MGAM: variants seen among roughly 807,000 people sequenced by gnomAD.
The protein encoded by MGAM is maltase-glucoamylase, also known as alpha-1,4-glucosidase.
In MGAM, 253 loss-of-function variants were observed where a neutral mutation model predicts 358.8. The observed-to-expected ratio is 0.71, with a 90% CI of 0.64 to 0.78. MGAM has a LOEUF of 0.78. Ranked by LOEUF, MGAM falls within the 30% of genes least tolerant of loss-of-function variation. The pLI is 0.00. For missense variants in MGAM, 3,080 were observed against 3,432.6 expected, an observed-to-expected ratio of 0.90 and a Z score of 2.57; for synonymous variants, 1,105 against 1,227.1, an observed-to-expected ratio of 0.90 and a Z score of 2.08.
chr7:142,035,924 T>C (rs1159735243), intron 16 of MGAM, among the ~76,000 whole-genome samples: 1 of 152,172 alleles, frequency 6.6e-6, no homozygotes, highest in Non-Finnish European at 1.5e-5. Context: ...ATTTACGAAA[T>C]ACCTGTGTAG....
intron 10 of MGAM, among the ~76,000 whole-genome samples, chr7:142,028,694 G>A (rs370623347): frequency 5.3e-5 from 8 of 152,052 alleles, no homozygotes; most frequent in African/African-American, 1.4e-4. Context: ...GTAATTTGAC[G>A]GAAAGATAGT....
chr7:142,040,698 G>A (rs759041221), intron 20 of MGAM, 24 bp from the exon 21 acceptor site: 1 of 1,611,102 alleles, frequency 6.2e-7, no homozygotes, highest in Non-Finnish European at 8.5e-7. Flanking sequence ...ATGCCAATGT[G>A]TTTGATTTAT....
chr7:142,094,216 G>C (rs1815665903), intron 60 of MGAM, 148 bp from the exon 61 acceptor site: 1 of 994,832 alleles, frequency 1.0e-6, no homozygotes, highest in Non-Finnish European at 1.5e-6. Context: ...TCTGGGATCA[G>C]TGGAGCCCCC....
chr7:142,091,021 T>C (rs960450041), intron 57 of MGAM, among the ~76,000 whole-genome samples: 1 of 145,838 alleles, frequency 6.9e-6, no homozygotes, highest in Non-Finnish European at 1.6e-5. Context: ...CTGAGGTGTG[T>C]GGATCACTTT....
intron 21 of MGAM, among the ~76,000 whole-genome samples, chr7:142,044,240 T>G (rs1809623281): frequency 7.2e-6 from 1 of 138,354 alleles, no homozygotes; most frequent in Non-Finnish European, 1.6e-5. Flanking sequence ...AATATATACA[T>G]TATATACACA....
intron 50 of MGAM, 127 bp downstream of exon 50, chr7:142,081,072 T>A: frequency 4.3e-6 from 4 of 926,402 alleles, no homozygotes; most frequent in Non-Finnish European, 6.3e-6. Flanking sequence ...GGATGAGTTG[T>A]TTCCTTCAGA....
At chr7:142,008,793 T>C in intron 3 of MGAM, 88 bp downstream of exon 3, 2 of 1,380,808 alleles carry the variant, frequency 1.4e-6, no homozygotes, top group Non-Finnish European at 2.0e-6. Flanking sequence ...GTTTTCTTTA[T>C]TAGTGACTCT....
intron 3 of MGAM, among the ~76,000 whole-genome samples, chr7:142,014,062 A>T (rs144584097): frequency 1.2e-3 from 182 of 152,342 alleles, no homozygotes; most frequent in African/African-American, 4.3e-3. Flanking sequence ...GTTCTGTATT[A>T]GCATCACGTA....
intron 53 of MGAM, among the ~76,000 whole-genome samples, chr7:142,083,938 TGAA>T (rs1467184155): frequency 1.4e-5 from 2 of 143,084 alleles, no homozygotes; most frequent in African/African-American, 4.9e-5. Flanking sequence ...TGGGGTGGTG[TGAA>T]GAATATGGTG....
chr7:142,099,782 A>G, intron 67 of MGAM, 45 bp downstream of exon 67: 3 of 1,602,340 alleles, frequency 1.9e-6, no homozygotes, highest in Non-Finnish European at 1.7e-6. Flanking sequence ...CAGTTAGCTC[A>G]ACAATTTGTA....
At chr7:142,034,232 T>C (rs1554464922) in intron 14 of MGAM, 30 bp from the exon 15 acceptor site, 1 of 1,476,828 alleles carries the variant, frequency 6.8e-7, no homozygotes, top group Non-Finnish European at 9.3e-7. Flanking sequence ...CAACTTAGGC[T>C]CTCACTGATT....
chr7:142,065,985 A>T (rs1437186931), intron 40 of MGAM, among the ~76,000 whole-genome samples, 154 bp downstream of exon 40: 1 of 136,178 alleles, frequency 7.3e-6, no homozygotes, highest in Non-Finnish European at 1.7e-5. Flanking sequence ...TTTTTGAAAC[A>T]GGGATTTACT....
intron 21 of MGAM, among the ~76,000 whole-genome samples, chr7:142,046,363 T>G (rs76283651): frequency 0.024 from 3,634 of 151,450 alleles, 146 homozygotes; most frequent in African/African-American, 0.083. Context: ...GGTGATCTTA[T>G]TTTTTTTAAG....
At position 142,092,021 on chromosome 7, in the gene MGAM, A is replaced by C; in HGVS notation, c.6919A>C (p.Ser2307Arg). ...LYNNPQNPERSLKFDGMWIDM... is the reference protein window; with the variant it reads ...LYNNPQNPERRLKFDGMWIDM... ...CAACAATCCACAGAATCCAGAGAGG[A>C]GCTTGAAGTTTGATGGCATGTGGAT... Residue 2307 changes from serine to arginine, a missense_variant, in exon 58 of 71, where the codon AGC becomes CGC. Ser to Arg is a moderately radical substitution (Grantham distance 110, BLOSUM62 -1). Coordinates refer to ENST00000475668, the MANE Select transcript of MGAM (RefSeq NM_001365693.1). 2 of 1,537,108 alleles carry C rather than the reference A, an allele frequency of 1.3e-6. No homozygotes were observed. The highest frequency in any genetic ancestry group is 1.2e-5 in the South Asian group (1 of 85,804).
intron 67 of MGAM, among the ~76,000 whole-genome samples, chr7:142,100,346 G>A (rs1166984333): frequency 6.6e-6 from 1 of 152,068 alleles, no homozygotes; most frequent in Non-Finnish European, 1.5e-5. Flanking sequence ...ACATGAATGC[G>A]GACTAAAATT....
chr7:142,020,608 T>A (rs1461127459), intron 4 of MGAM, among the ~76,000 whole-genome samples: 61 of 147,134 alleles, frequency 4.1e-4, no homozygotes, highest in African/African-American at 1.4e-3. Context: ...TATATATTTT[T>A]TTTTTTTTTT....
At position 142,021,090 on chromosome 7, in the gene MGAM, ATTTG is replaced by A. The variant is rs1806411445; in HGVS notation, c.558+11_558+14del. 4 of 1,575,098 alleles carry A rather than the reference ATTTG, an allele frequency of 2.5e-6. No individual in the cohort carries two copies. Among genetic ancestry groups the A allele is most frequent in the Non-Finnish European group, 3.4e-6 (4 of 1,160,794 alleles). ...TAATCGTTTCCACTTTAAGGTTGTAATTTGTTTATTTTTTTTTAAGTTTTTTTGA... is the reference window on the plus strand; with the variant it reads ...TAATCGTTTCCACTTTAAGGTTGTAATTTATTTTTTTTTAAGTTTTTTTGA... On this transcript the variant is annotated splice_region_variant and intron_variant, in intron 5 of 70. Coordinates refer to ENST00000475668, the MANE Select transcript of MGAM (RefSeq NM_001365693.1).
intron 26 of MGAM, among the ~76,000 whole-genome samples, chr7:142,053,401 T>C (rs908469514): frequency 1.3e-5 from 2 of 151,996 alleles, no homozygotes; most frequent in South Asian, 2.1e-4. Context: ...ATGATGACCG[T>C]GTTGGTATCT....
At chr7:142,036,364 T>G in intron 17 of MGAM, 79 bp downstream of exon 17, 2 of 1,096,518 alleles carry the variant, frequency 1.8e-6, no homozygotes, top group Non-Finnish European at 2.7e-6. Flanking sequence ...TGCCAAGAGA[T>G]CTGCTGAACC....
Sources: allele counts gnomAD v4.1 joint callset (sites outside exome capture counted in the v4.1 genomes callset), GRCh38; gene constraint gnomAD v4.1.1; transcripts MANE v1.5; gene names NCBI Gene and HGNC (gene_info 2026-07-23, HGNC 2026-07-21).